TOM1: variants seen among roughly 807,000 people sequenced by gnomAD.
TOM1 encodes target of Myb protein 1.
Under a neutral mutation model 61.3 loss-of-function variants are expected in TOM1, and 38 were observed. The observed-to-expected ratio is 0.62, with a 90% CI of 0.48 to 0.81. TOM1 has a LOEUF of 0.81. TOM1 is among the 40% of genes least tolerant of loss of function. The probability of loss-of-function intolerance (pLI) is 0.00; values close to 1 mark genes in which losing one functional copy is unlikely to be tolerated. For synonymous variants in TOM1, 270 were observed against 268.8 expected (o/e 1.00, Z -0.04); for missense variants, 591 against 659.6 (o/e 0.90, Z 1.14).
At chr22:35,306,552 C>G (rs950880294) in intron 1 of TOM1, among the ~76,000 whole-genome samples, 10 of 152,168 alleles carry the variant, frequency 6.6e-5, no homozygotes, top group Admixed American at 3.3e-4. Context: ...TGGTTCAGTC[C>G]TCAACAGCTT....
intron 11 of TOM1, among the ~76,000 whole-genome samples, chr22:35,336,194 C>T (rs1459678929): frequency 6.6e-6 from 1 of 152,194 alleles, no homozygotes; most frequent in African/African-American, 2.4e-5. Flanking sequence ...CTCCCCAGGG[C>T]TTGGTTTCCA....
chr22:35,337,399 C>T (rs77287354), intron 11 of TOM1, among the ~76,000 whole-genome samples: 7,207 of 152,264 alleles, frequency 0.047, 219 homozygotes, highest in Non-Finnish European at 0.058. Flanking sequence ...AGCAACCTGA[C>T]GCCCCACCTC....
intron 7 of TOM1, among the ~76,000 whole-genome samples, chr22:35,329,597 G>A (rs1233745216): frequency 6.6e-6 from 1 of 152,212 alleles, no homozygotes; most frequent in Non-Finnish European, 1.5e-5. Flanking sequence ...AGAAAAGTGA[G>A]GCAAAAACTC....
intron 7 of TOM1, 150 bp downstream of exon 7, chr22:35,327,537 G>A (rs564102813): frequency 1.6e-5 from 10 of 620,596 alleles, no homozygotes; most frequent in Non-Finnish European, 2.8e-5. Context: ...GACTTTGGAC[G>A]CCATCAGATT....
chr22:35,299,778 T>A (rs1304053124), upstream of TOM1: 3 of 848,864 alleles, frequency 3.5e-6, no homozygotes, highest in Non-Finnish European at 5.4e-6. Context: ...GACCCTGGCG[T>A]CTCAGGGCGG....
chr22:35,325,889 T>A (rs2145669441), intron 6 of TOM1, among the ~76,000 whole-genome samples: 1 of 152,338 alleles, frequency 6.6e-6, no homozygotes, highest in East Asian at 1.9e-4. Flanking sequence ...CAGACTCCTC[T>A]GTAATTAAGT....
intron 1 of TOM1, among the ~76,000 whole-genome samples, chr22:35,306,129 A>C (rs1460520184): frequency 6.9e-6 from 1 of 144,936 alleles, no homozygotes; most frequent in African/African-American, 2.4e-5. Flanking sequence ...ATCATGAAAT[A>C]TTATTCTTCT....
intron 13 of TOM1, among the ~76,000 whole-genome samples, chr22:35,346,531 C>G (rs129433): frequency 6.6e-6 from 1 of 151,982 alleles, no homozygotes; most frequent in African/African-American, 2.4e-5. Flanking sequence ...GCCTTTCCCC[C>G]CCAGGGGTGA....
At position 35,332,961 on chromosome 22, in the gene TOM1, G is replaced by A. The variant is rs201505071; in HGVS notation, c.900-20G>A. On this transcript the variant is annotated intron_variant, in intron 8 of 14. Transcript: ENST00000449058. The stretch of plus-strand genomic sequence containing the variant: ...CTGTCTCAGTCTGTCTCCATAACTC[G>A]TGTCTTTTCTGTCTTGTAGGTTTGA... 28 of 1,613,918 alleles carry A rather than the reference G, an allele frequency of 1.7e-5. No individual in the cohort carries two copies. Among genetic ancestry groups the A allele is most frequent in the African/African-American group, 9.3e-5 (7 of 74,902 alleles).
chr22:35,333,320 A>G (rs954970023), intron 9 of TOM1, 84 bp from the exon 10 acceptor site: 28 of 1,319,744 alleles, frequency 2.1e-5, no homozygotes, highest in African/African-American at 1.4e-5. Flanking sequence ...TCCCTGGGCA[A>G]AGCCTGCAAG....
chr22:35,345,946 T>G (rs1472452522), intron 13 of TOM1, among the ~76,000 whole-genome samples, 162 bp downstream of exon 13: 2 of 152,196 alleles, frequency 1.3e-5, no homozygotes, highest in Admixed American at 6.5e-5. Flanking sequence ...ACCTTGTGTT[T>G]GGCACGCCCC....
At chr22:35,334,234 GCA>G in intron 10 of TOM1, 92 bp from the exon 11 acceptor site, 1 of 1,514,996 alleles carries the variant, frequency 6.6e-7, no homozygotes, top group Non-Finnish European at 8.9e-7. Flanking sequence ...CACTTCCCCA[GCA>G]CCAAGCCCTG....
chr22:35,341,017 AC>A (rs952525883), intron 12 of TOM1, among the ~76,000 whole-genome samples: 1 of 152,198 alleles, frequency 6.6e-6, no homozygotes, highest in Non-Finnish European at 1.5e-5. Flanking sequence ...GCCACCAAGC[AC>A]AGCACATTGC....
intron 1 of TOM1, among the ~76,000 whole-genome samples, chr22:35,315,642 C>T (rs1927215926): frequency 6.6e-6 from 1 of 152,222 alleles, no homozygotes; most frequent in Non-Finnish European, 1.5e-5. Context: ...GCCTCAGCCG[C>T]CTGGCATGTG....
intron 1 of TOM1, among the ~76,000 whole-genome samples, chr22:35,300,372 T>C (rs1243401031): frequency 6.6e-6 from 1 of 152,098 alleles, no homozygotes; most frequent in Non-Finnish European, 1.5e-5. Flanking sequence ...CCTTCCTGGC[T>C]CACCGGGCCC....
At position 35,323,573 on chromosome 22, in the gene TOM1, C is replaced by T. The variant is rs1928039730; in HGVS notation, c.444C>T (p.Gly148=). The T allele has an allele frequency of 6.2e-7, 1 of 1,614,098 alleles. No individual in the cohort carries two copies. The change falls in exon 5 of 15, where the codon GGC becomes GGT. Residue 148 remains glycine, a synonymous_variant. Coordinates refer to ENST00000449058, the MANE Select transcript of TOM1 (RefSeq NM_005488.3). The surrounding 1 kb of genome is among the most constrained non-coding windows in gnomAD (Gnocchi z 4.2). The stretch of plus-strand genomic sequence containing the variant: ...TCTATGAGGACCTGCGGAGGAAAGG[C>T]CTGGAGTTCCCCATGACTGACCTGG... ...VTIYEDLRRK[G]LEFPMTDLDM...
chr22:35,304,037 C>T (rs189113106), intron 1 of TOM1, among the ~76,000 whole-genome samples: 1 of 152,148 alleles, frequency 6.6e-6, no homozygotes, highest in Non-Finnish European at 1.5e-5. Context: ...ATTCTGCTAG[C>T]GTCCTGGGTA....
intron 12 of TOM1, chr22:35,345,459 G>A (rs1002492323): frequency 1.8e-6 from 1 of 561,974 alleles, no homozygotes; most frequent in South Asian, 2.1e-5. Flanking sequence ...TCGGAACTGG[G>A]GTTCTTCTCT....
chr22:35,332,781 A>G (rs575297787), intron 8 of TOM1, among the ~76,000 whole-genome samples, 200 bp from the exon 9 acceptor site: 2 of 152,278 alleles, frequency 1.3e-5, no homozygotes, highest in South Asian at 4.2e-4. Flanking sequence ...ACACTTTTGC[A>G]AGGGAAAGAG....
Sources: gnomAD v4.1 joint callset for allele counts (sites outside exome capture counted in the v4.1 genomes callset) on GRCh38, gnomAD v4.1.1 for gene constraint, Gnocchi (gnomAD v3.1) non-coding constraint, MANE v1.5 for transcripts, NCBI Gene and HGNC (gene_info 2026-07-23, HGNC 2026-07-21) for gene names.